The following ABCA13 variants were observed in gnomAD, a reference collection of about 807,000 sequenced individuals.
The protein encoded by ABCA13 is ATP binding cassette subfamily A member 13.
A neutral mutation model predicts 478.7 loss-of-function variants in ABCA13; 476 were observed. The ratio of observed to expected loss-of-function variants is 0.99; its 90% CI spans 0.92 to 1.07. ABCA13 has a LOEUF of 1.07. Among genes scored for constraint, ABCA13 ranks in the 50% least tolerant of loss-of-function variants. The pLI is 0.00. For synonymous variants in ABCA13, 2,252 were observed against 2,158.9 expected (o/e 1.04, Z -1.20); for missense variants, 6,060 against 5,910.6 (o/e 1.03, Z -0.83).
rs749608514 is a variant in ABCA13 at position 48,298,504 on chromosome 7, T to G, written c.9321+17T>G. The G allele has an allele frequency of 6.2e-7, 1 of 1,606,294 alleles. No homozygotes were observed. ...CACTCCAAGGTGTGGTGCTGTTTCT[T>G]GTCTGTCTGTTTTGCTCATGGAAGG... On this transcript the variant is annotated intron_variant, in intron 23 of 61. Coordinates refer to ENST00000435803, the MANE Select transcript of ABCA13 (RefSeq NM_152701.5).
chr7:48,252,580 G>T (rs1792742339), intron 15 of ABCA13, among the ~76,000 whole-genome samples: 1 of 152,156 alleles, frequency 6.6e-6, no homozygotes, highest in African/African-American at 2.4e-5. Flanking sequence ...CTATATAACA[G>T]AAAGGTAAGG....
At chr7:48,269,214 A>G (rs1795272455) in intron 16 of ABCA13, 120 bp downstream of exon 16, 2 of 599,862 alleles carry the variant, frequency 3.3e-6, no homozygotes, top group African/African-American at 3.8e-5. Flanking sequence ...TATTGACACA[A>G]TCTTTCATAT....
At chr7:48,331,505 T>C (rs1037615246) in intron 27 of ABCA13, among the ~76,000 whole-genome samples, 1 of 152,240 alleles carries the variant, frequency 6.6e-6, no homozygotes, top group Non-Finnish European at 1.5e-5. Context: ...GATGCTCAAA[T>C]GATCCCAACT....
intron 46 of ABCA13, 37 bp from the exon 47 acceptor site, chr7:48,483,039 G>A: frequency 6.4e-7 from 1 of 1,555,802 alleles, no homozygotes; most frequent in Non-Finnish European, 8.8e-7. Context: ...CTGGTGCTCT[G>A]TGGTTGAAGC....
chr7:48,395,964 C>A (rs1483893796), intron 38 of ABCA13, among the ~76,000 whole-genome samples: 2 of 152,076 alleles, frequency 1.3e-5, no homozygotes, highest in Non-Finnish European at 2.9e-5. Flanking sequence ...ATAGAGAGAG[C>A]CTATTTGAGA....
intron 43 of ABCA13, among the ~76,000 whole-genome samples, chr7:48,457,153 G>A (rs1385425485): frequency 1.3e-5 from 2 of 152,018 alleles, no homozygotes; most frequent in Admixed American, 1.3e-4. Context: ...AGTTTTGATA[G>A]TTCAGACCTG....
intron 15 of ABCA13, among the ~76,000 whole-genome samples, chr7:48,258,031 C>G (rs1202634144): frequency 6.6e-6 from 1 of 152,130 alleles, no homozygotes; most frequent in Admixed American, 6.5e-5. Flanking sequence ...TCAAGCAACC[C>G]TCCTGCCTCA....
intron 1 of ABCA13, among the ~76,000 whole-genome samples, chr7:48,182,621 TA>T (rs1795837176): frequency 1.3e-5 from 2 of 152,138 alleles, no homozygotes; most frequent in African/African-American, 4.8e-5. Context: ...GAAAAGCAAT[TA>T]TTTTTCAATA....
At chr7:48,420,528 T>C (rs990777714) in intron 41 of ABCA13, among the ~76,000 whole-genome samples, 3 of 152,196 alleles carry the variant, frequency 2.0e-5, no homozygotes, top group Admixed American at 2.0e-4. Context: ...TTGAAGTTTT[T>C]AGTAATGTTT....
intron 23 of ABCA13, among the ~76,000 whole-genome samples, chr7:48,307,161 C>T (rs1180507959): frequency 6.6e-6 from 1 of 152,170 alleles, no homozygotes; most frequent in African/African-American, 2.4e-5. Context: ...GACTAGGATT[C>T]ATTCTGAGAA....
intron 58 of ABCA13, among the ~76,000 whole-genome samples, chr7:48,606,964 T>C (rs1791533118): frequency 6.6e-6 from 1 of 152,184 alleles, no homozygotes; most frequent in African/African-American, 2.4e-5. Context: ...TGCAGTGGGC[T>C]CCACCCAGTT....
At chr7:48,637,644 C>T (rs190512367) in intron 59 of ABCA13, among the ~76,000 whole-genome samples, 13 of 152,180 alleles carry the variant, frequency 8.5e-5, no homozygotes, top group Non-Finnish European at 1.6e-4. Context: ...GGAAACAAAA[C>T]GCTCTATCAT....
chr7:48,440,096 G>C (rs890017945), intron 42 of ABCA13, among the ~76,000 whole-genome samples: 1 of 152,040 alleles, frequency 6.6e-6, no homozygotes, highest in Admixed American at 6.6e-5. Flanking sequence ...ATTTATTTAA[G>C]AATAGTGTTC....
At chr7:48,212,879 C>T (rs1246429006) in intron 3 of ABCA13, among the ~76,000 whole-genome samples, 17 of 151,784 alleles carry the variant, frequency 1.1e-4, no homozygotes, top group African/African-American at 3.6e-4. Context: ...ATATTATTTT[C>T]TCATTTGTGC....
At chr7:48,298,010 TC>T (rs1799644529) in intron 22 of ABCA13, among the ~76,000 whole-genome samples, 1 of 150,846 alleles carries the variant, frequency 6.6e-6, no homozygotes, top group Admixed American at 6.6e-5. Context: ...GGTCTCGAAC[TC>T]CTGACCTTTG....
At chr7:48,447,301 G>A (rs572610628) in intron 42 of ABCA13, among the ~76,000 whole-genome samples, 3 of 152,020 alleles carry the variant, frequency 2.0e-5, no homozygotes, top group Non-Finnish European at 4.4e-5. Flanking sequence ...ACCTCCTCAC[G>A]GGAGCCTAGG....
chr7:48,456,027 A>G (rs779519957), intron 43 of ABCA13, among the ~76,000 whole-genome samples: 2 of 152,236 alleles, frequency 1.3e-5, no homozygotes, highest in South Asian at 4.1e-4. Context: ...GGGCACGGCC[A>G]TGGCTGTGAT....
At chr7:48,241,126 T>A (rs370106588) in intron 10 of ABCA13, 60 bp downstream of exon 10, 3 of 1,560,224 alleles carry the variant, frequency 1.9e-6, no homozygotes, top group Middle Eastern at 4.0e-4. Context: ...TGTTAAAGAG[T>A]GCGTGATGAT....
intron 31 of ABCA13, among the ~76,000 whole-genome samples, chr7:48,367,396 A>G (rs1811843859): frequency 6.6e-6 from 1 of 152,218 alleles, no homozygotes; most frequent in African/African-American, 2.4e-5. Context: ...GCCAATTTTC[A>G]CGTATTTTGT....
Sources: allele counts gnomAD v4.1 joint callset (sites outside exome capture counted in the v4.1 genomes callset), GRCh38; gene constraint gnomAD v4.1.1; transcripts MANE v1.5; gene names NCBI Gene and HGNC (gene_info 2026-07-23, HGNC 2026-07-21).